KCNN2: variants seen among roughly 807,000 people sequenced by gnomAD.
KCNN2 encodes small conductance calcium-activated potassium channel protein 2.
In KCNN2, 24 loss-of-function variants were observed where a neutral mutation model predicts 55.5. That is an observed-to-expected ratio of 0.43 (90% CI 0.31 to 0.61). The LOEUF is 0.61. Ranked by LOEUF, KCNN2 falls within the 20% of genes least tolerant of loss-of-function variation. KCNN2 has a pLI of 0.08. For synonymous variants in KCNN2, 431 were observed against 336.1 expected (o/e 1.28, Z -3.09); for missense variants, 754 against 853.6 (o/e 0.88, Z 1.45).
chr5:114,162,866 G>T (rs998394347), intron 1 of KCNN2, among the ~76,000 whole-genome samples: 2 of 152,100 alleles, frequency 1.3e-5, no homozygotes, highest in African/African-American at 4.8e-5. Context: ...CAGTATTAGG[G>T]TGGGAGCGAC....
chr5:114,162,048 G>T (rs944996530), intron 1 of KCNN2, among the ~76,000 whole-genome samples: 1 of 152,186 alleles, frequency 6.6e-6, no homozygotes, highest in Non-Finnish European at 1.5e-5. Flanking sequence ...CTGGTGAGGA[G>T]CTGCATTCCT....
chr5:114,279,057 AT>A (rs1755563077), intron 2 of KCNN2, among the ~76,000 whole-genome samples: 1 of 151,986 alleles, frequency 6.6e-6, no homozygotes, highest in Non-Finnish European at 1.5e-5. Flanking sequence ...CCAAACTTTC[AT>A]TATAATGTGG....
chr5:114,193,046 G>A (rs750114895), intron 1 of KCNN2, among the ~76,000 whole-genome samples: 6 of 152,100 alleles, frequency 3.9e-5, no homozygotes, highest in South Asian at 2.1e-4. Context: ...ATAAAAATAC[G>A]TCCCTGAAAT....
chr5:114,392,753 A>C (rs903091202), intron 2 of KCNN2, among the ~76,000 whole-genome samples: 5 of 150,398 alleles, frequency 3.3e-5, no homozygotes, highest in Admixed American at 3.3e-4. Context: ...CTAACAACAC[A>C]TTAATAAAGA....
chr5:114,118,658 A>T (rs1209904387), intron 1 of KCNN2, among the ~76,000 whole-genome samples: 1 of 152,076 alleles, frequency 6.6e-6, no homozygotes, highest in Non-Finnish European at 1.5e-5. Context: ...GCTGATTTGC[A>T]TGTGAATCTC....
chr5:114,206,712 C>T (rs1753784035), intron 1 of KCNN2, among the ~76,000 whole-genome samples: 1 of 151,924 alleles, frequency 6.6e-6, no homozygotes, highest in Non-Finnish European at 1.5e-5. Flanking sequence ...AGCAGCCTTC[C>T]TGAAATACCC....
intron 2 of KCNN2, among the ~76,000 whole-genome samples, chr5:114,245,047 A>C (rs1754724370): frequency 6.6e-6 from 1 of 152,256 alleles, no homozygotes; most frequent in South Asian, 2.1e-4. Context: ...GCTGTTTAAA[A>C]AGAATTGTCA....
chr5:114,056,763 G>T lies in KCNN2; in HGVS notation c.-271+263G>T, dbSNP rs1217934039. Among the ~76,000 whole-genome samples the T allele has an allele frequency of 3.3e-5, 5 of 152,020 alleles. No individual in the cohort carries two copies. The East Asian group carries it at 9.7e-4, about 29-fold the overall frequency. On this transcript the variant is annotated intron_variant, in intron 1 of 10. Coordinates refer to the KCNN2 transcript ENST00000512097. ...CCTGAAGTTCCCTATCCTCCCTTCC[G>T]TCTTCCATCCTTCCCCCCTTGTCCT...
rs535777836 is a variant in KCNN2, at chr5:114,176,559, T to C, written c.-270-44921T>C. ...ACAAGAATGACTGAGAGGAATGGAG[T>C]TGTTTTTGATGATGCATTAATAAGG... On this transcript the variant is annotated intron_variant, in intron 1 of 10. Transcript: ENST00000512097. Among the ~76,000 whole-genome samples the C allele has an allele frequency of 9.5e-4, 144 of 152,170 alleles. 2 individuals carry two copies. The highest frequency in any genetic ancestry group is 3.3e-3 in the African/African-American group (137 of 41,542).
chr5:114,252,148 G>C (rs1754878017), intron 2 of KCNN2, among the ~76,000 whole-genome samples: 1 of 151,942 alleles, frequency 6.6e-6, no homozygotes, highest in Non-Finnish European at 1.5e-5. Context: ...AAAGTGCTGG[G>C]ATTACAGGCA....
At chr5:114,335,390 G>A (rs921707069) in intron 2 of KCNN2, among the ~76,000 whole-genome samples, 1 of 152,058 alleles carries the variant, frequency 6.6e-6, no homozygotes, top group African/African-American at 2.4e-5. Context: ...CTTAAAGGAC[G>A]TAAAATAATA....
chr5:114,480,972 T>C (rs1487180129), intron 5 of KCNN2, among the ~76,000 whole-genome samples: 1 of 152,182 alleles, frequency 6.6e-6, no homozygotes, highest in South Asian at 2.1e-4. Context: ...ATGCCCTCTC[T>C]CACCACTCCT....
intron 1 of KCNN2, among the ~76,000 whole-genome samples, chr5:114,140,751 A>G (rs1200225208): frequency 6.9e-6 from 1 of 145,380 alleles, no homozygotes; most frequent in African/African-American, 2.5e-5. Flanking sequence ...GCAAAACATT[A>G]CTGTCATCCT....
Position 114,479,303 on chromosome 5 carries a change from T to TAA in KCNN2, c.1890+6145_1890+6146dup, listed in dbSNP as rs978909269. 3.5e-4 allele frequency among the ~76,000 whole-genome samples: 52 copies of TAA among 150,368 alleles called. 1 individual carries two copies. The highest frequency in any genetic ancestry group is 2.5e-4 in the Non-Finnish European group (17 of 67,580). On this transcript the variant is annotated intron_variant, in intron 5 of 7. Transcript: ENST00000673685. ...AAAGAGACTTCAAACCAACAAAGAT[T>TAA]AAAAAAAGATGAAGAGCATTACATA...
chr5:114,477,605 T>TA (rs1762027449), intron 5 of KCNN2, among the ~76,000 whole-genome samples: 1 of 152,208 alleles, frequency 6.6e-6, no homozygotes, highest in African/African-American at 2.4e-5. Flanking sequence ...CAGGACCAGC[T>TA]ATTTAATAGA....
intron 3 of KCNN2, among the ~76,000 whole-genome samples, chr5:114,429,724 A>G (rs988908119): frequency 2.7e-5 from 4 of 147,948 alleles, no homozygotes; most frequent in Admixed American, 2.7e-4. Flanking sequence ...CAGGATTTTT[A>G]TAGTTTTGCA....
chr5:114,156,055 G>C (rs543763748), intron 1 of KCNN2, among the ~76,000 whole-genome samples: 1 of 152,188 alleles, frequency 6.6e-6, no homozygotes, highest in African/African-American at 2.4e-5. Context: ...CTTAATTTTT[G>C]TATATGATGT....
chr5:114,283,924 A>G (rs541293259), intron 2 of KCNN2, among the ~76,000 whole-genome samples: 4 of 152,264 alleles, frequency 2.6e-5, no homozygotes, highest in Middle Eastern at 3.4e-3. Flanking sequence ...TTGTCCTTCC[A>G]GCTCCTGAAA....
At chr5:114,180,652 A>C (rs543386556) in intron 1 of KCNN2, among the ~76,000 whole-genome samples, 2 of 152,258 alleles carry the variant, frequency 1.3e-5, no homozygotes, top group East Asian at 3.9e-4. Context: ...ACCTTGTTTA[A>C]TTGCCACTTG....
Sources: allele counts gnomAD v4.1 joint callset (sites outside exome capture counted in the v4.1 genomes callset), GRCh38; gene constraint gnomAD v4.1.1; transcripts MANE v1.5; gene names NCBI Gene and HGNC (gene_info 2026-07-23, HGNC 2026-07-21).